Variants in KIAA0319 observed in about 807,000 individuals in gnomAD.
The protein encoded by KIAA0319 is KIAA0319.
Under a neutral mutation model 108.4 loss-of-function variants are expected in KIAA0319, and 83 were observed. The observed-to-expected ratio is 0.77, with a 90% CI of 0.64 to 0.92. KIAA0319 has a LOEUF of 0.92. Among genes scored for constraint, KIAA0319 ranks in the 40% least tolerant of loss-of-function variants. The pLI, the probability that KIAA0319 is intolerant of heterozygous loss-of-function variation, is 0.00. For synonymous variants in KIAA0319, 484 were observed against 510.4 expected, an observed-to-expected ratio of 0.95 and a Z score of 0.70; for missense variants, 1,195 against 1,322.4, an observed-to-expected ratio of 0.90 and a Z score of 1.49.
chr6:24,628,543 T>C (rs1178777233), intron 1 of KIAA0319, among the ~76,000 whole-genome samples: 1 of 152,138 alleles, frequency 6.6e-6, no homozygotes, highest in East Asian at 1.9e-4. Context: ...TTTTTTTTAA[T>C]ACAACCCTTG....
At chr6:24,603,668 G>A (rs1770980042) in intron 1 of KIAA0319, among the ~76,000 whole-genome samples, 1 of 152,126 alleles carries the variant, frequency 6.6e-6, no homozygotes, top group Non-Finnish European at 1.5e-5. Context: ...AAAAGAGAGG[G>A]AAACACCCCG....
intron 1 of KIAA0319, among the ~76,000 whole-genome samples, chr6:24,636,403 G>T (rs1479652987): frequency 1.3e-5 from 2 of 152,152 alleles, no homozygotes; most frequent in African/African-American, 4.8e-5. Context: ...ACTATGAAGA[G>T]ATTTCAATTT....
intron 8 of KIAA0319, 37 bp downstream of exon 8, chr6:24,579,821 A>G (rs1008759339): frequency 1.3e-6 from 2 of 1,518,470 alleles, no homozygotes; most frequent in Non-Finnish European, 1.8e-6. Context: ...GCACGTAGAG[A>G]AAAAAAGAAA....
intron 5 of KIAA0319, 128 bp from the exon 6 acceptor site, chr6:24,582,474 C>CT (rs72007936): frequency 0.021 from 4,502 of 216,800 alleles, 13 homozygotes; most frequent in African/African-American, 0.031. Flanking sequence ...ACTCAGCTTT[C>CT]TTTTTTTTTT....
At chr6:24,583,200 A>G in intron 5 of KIAA0319, 6 of 988,660 alleles carry the variant, frequency 6.1e-6, no homozygotes, top group Non-Finnish European at 6.0e-6. Flanking sequence ...AGAACCTGAG[A>G]GCCGTGATTG....
At chr6:24,621,713 A>G (rs1773960717) in intron 1 of KIAA0319, among the ~76,000 whole-genome samples, 1 of 152,260 alleles carries the variant, frequency 6.6e-6, no homozygotes, top group Non-Finnish European at 1.5e-5. Flanking sequence ...GACATCATTA[A>G]TAGACCAATC....
chr6:24,550,738 T>C (rs1454625768), intron 20 of KIAA0319, among the ~76,000 whole-genome samples: 1 of 152,080 alleles, frequency 6.6e-6, no homozygotes, highest in Non-Finnish European at 1.5e-5. Context: ...TGTGGGAGTG[T>C]CTTCAACTGC....
chr6:24,557,175 A>C (rs1362850032), intron 17 of KIAA0319, among the ~76,000 whole-genome samples: 3 of 151,538 alleles, frequency 2.0e-5, no homozygotes, highest in Non-Finnish European at 4.4e-5. Context: ...ACTGCACTCC[A>C]GCCTGGTGAC....
At position 24,563,324 on chromosome 6, in the gene KIAA0319, C is replaced by G. The variant is rs2744549; in HGVS notation, c.2591+35G>C. On this transcript the variant is annotated intron_variant, in intron 16 of 20. Transcript: ENST00000378214. ...ATGAGGTAAGAGCTGGAATTTTGTACGGCCAAGGCCCCGCCTTGAGTGTGC... is the reference window on the plus strand; with the variant it reads ...ATGAGGTAAGAGCTGGAATTTTGTAGGGCCAAGGCCCCGCCTTGAGTGTGC... 8.9e-6 allele frequency: 14 copies of G among 1,579,030 alleles called. No homozygotes were observed. The South Asian group carries it at 9.3e-5, about 11-fold the overall frequency.
chr6:24,552,020 T>C (rs1021434987), intron 19 of KIAA0319, among the ~76,000 whole-genome samples: 3 of 152,102 alleles, frequency 2.0e-5, no homozygotes, highest in African/African-American at 4.8e-5. Flanking sequence ...TTTCTTTTTT[T>C]TTTTTCCTCA....
rs1207773876 is a variant in KIAA0319, at chr6:24,569,827, T to C, written c.1991+76A>G. ...CAAAATGCGCAAGCTGATTGTTTAC[T>C]ACAGATCCTCCAGAGAAGGGATAAT... On this transcript the variant is annotated intron_variant, in intron 12 of 20. Coordinates refer to ENST00000378214, the MANE Select transcript of KIAA0319 (RefSeq NM_014809.4). 3 of 1,539,784 alleles carry C rather than the reference T, an allele frequency of 1.9e-6. No individual in the cohort carries two copies. In the East Asian group the frequency reaches 6.8e-5, roughly 35 times the overall value.
At position 24,579,929 on chromosome 6, in the gene KIAA0319, G is replaced by A; in HGVS notation, c.1301C>T (p.Pro434Leu). The A allele has an allele frequency of 6.3e-7, 1 of 1,596,556 alleles. No individual in the cohort carries two copies. Among genetic ancestry groups the A allele is most frequent in the Non-Finnish European group, 8.5e-7 (1 of 1,170,806 alleles). ...CAGTTGGGGAGAAACAACTGCTACA[G>A]GTGGCAGGTTGACTCTTCTGGCTGT... The part of the protein sequence containing the change: ...VKPARRVNLP[P>L]VAVVSPQLQE... The change falls in exon 8 of 21, where the codon CCT becomes CTT. Residue 434 changes from proline to leucine, a missense_variant. Transcript: ENST00000378214.
At position 24,579,410 on chromosome 6, in the gene KIAA0319, A is replaced by ATATATATATATATATATATAT. The variant is rs1561981471; in HGVS notation, c.1372+447_1372+448insATATATATATATATATATATA. On this transcript the variant is annotated intron_variant, in intron 8 of 20. Transcript: ENST00000378214. ...CAGGTCACGGGAGCTCCTCTATATA[A>ATATATATATATATATATATAT]AGATATATATATATATATATATCTT... Among the ~76,000 whole-genome samples the ATATATATATATATATATATAT allele has an allele frequency of 4.5e-3, 398 of 87,880 alleles. 7 individuals are homozygous for ATATATATATATATATATATAT. The highest frequency in any genetic ancestry group is 6.3e-3 in the African/African-American group (101 of 15,952). 57.7% of individuals were successfully genotyped at this position (87,880 alleles called of 152,430 possible).
intron 1 of KIAA0319, among the ~76,000 whole-genome samples, chr6:24,643,708 T>C (rs1364282428): frequency 6.6e-6 from 1 of 152,232 alleles, no homozygotes; most frequent in Non-Finnish European, 1.5e-5. Context: ...GAAAAATATT[T>C]CCTGAAAAAG....
intron 16 of KIAA0319, among the ~76,000 whole-genome samples, chr6:24,561,927 T>G (rs1025577183): frequency 6.6e-6 from 1 of 152,230 alleles, no homozygotes. Flanking sequence ...GGTCTTGAAC[T>G]CCTGACCTCA....
chr6:24,549,341 A>AC (rs954797547), intron 20 of KIAA0319, among the ~76,000 whole-genome samples: 2 of 149,868 alleles, frequency 1.3e-5, no homozygotes, highest in African/African-American at 4.9e-5. Context: ...AAAAAAAAAA[A>AC]AAAAGAGGCA....
intron 1 of KIAA0319, among the ~76,000 whole-genome samples, chr6:24,633,107 G>T (rs547312819): frequency 6.6e-6 from 1 of 152,186 alleles, no homozygotes; most frequent in South Asian, 2.1e-4. Context: ...GATAATACAA[G>T]ATTTTTTTCA....
intron 1 of KIAA0319, among the ~76,000 whole-genome samples, chr6:24,631,739 A>C (rs746864140): frequency 4.9e-4 from 74 of 152,222 alleles, no homozygotes; most frequent in Non-Finnish European, 8.4e-4. Flanking sequence ...TAACGGGGTC[A>C]CCACTGCTAT....
chr6:24,626,913 G>T (rs936035502), intron 1 of KIAA0319, among the ~76,000 whole-genome samples: 4 of 152,124 alleles, frequency 2.6e-5, no homozygotes, highest in Non-Finnish European at 5.9e-5. Context: ...GTTCCAATTT[G>T]CAGGAAGGTA....
Sources: allele counts gnomAD v4.1 joint callset (sites outside exome capture counted in the v4.1 genomes callset), GRCh38; gene constraint gnomAD v4.1.1; transcripts MANE v1.5; gene names NCBI Gene and HGNC (gene_info 2026-07-23, HGNC 2026-07-21).